IGSF21: variants seen among roughly 807,000 people sequenced by gnomAD.
IGSF21 encodes the protein immunoglobulin superfamily member 21.
In IGSF21, 28 loss-of-function variants were observed where a neutral mutation model predicts 46.8. That is an observed-to-expected ratio of 0.60 (90% CI 0.44 to 0.82). IGSF21 has a LOEUF of 0.82. Among genes scored for constraint, IGSF21 ranks in the 40% least tolerant of loss-of-function variants. The pLI is 0.00. For synonymous variants in IGSF21, 284 were observed against 273.6 expected, an observed-to-expected ratio of 1.04 and a Z score of -0.38; for missense variants, 624 against 665.5, an observed-to-expected ratio of 0.94 and a Z score of 0.69.
chr1:18,248,853 A>C (rs12089342), intron 2 of IGSF21, among the ~76,000 whole-genome samples: 2 of 152,056 alleles, frequency 1.3e-5, no homozygotes, highest in African/African-American at 4.8e-5. Flanking sequence ...GATGCAGAGC[A>C]GGTAGGCCTG....
At chr1:18,354,615 TC>T (rs985398868) in intron 4 of IGSF21, among the ~76,000 whole-genome samples, 27 of 152,070 alleles carry the variant, frequency 1.8e-4, no homozygotes, top group African/African-American at 6.3e-4. Context: ...TGAACTTGTC[TC>T]TCCCCTCCCC....
chr1:18,199,197 G>A (rs527712650), intron 1 of IGSF21, among the ~76,000 whole-genome samples: 1 of 152,194 alleles, frequency 6.6e-6, no homozygotes, highest in African/African-American at 2.4e-5. Context: ...AGAGTGGGTT[G>A]GGGCCCCTGC....
rs866258395 is a variant in IGSF21 at position 18,287,139 on chromosome 1, C to T, written c.184-4727C>T. On this transcript the variant is annotated intron_variant, in intron 2 of 9. Coordinates refer to ENST00000251296, the MANE Select transcript of IGSF21 (RefSeq NM_032880.5). The stretch of plus-strand genomic sequence containing the variant: ...GAGCTTGCAGTGAGCCGAGATCGCG[C>T]CACTGCACTCCAGCCTGGGCGACAG... Among the ~76,000 whole-genome samples the T allele has an allele frequency of 6.5e-3, 955 of 147,980 alleles. 12 individuals carry two copies. Among genetic ancestry groups the T allele is most frequent in the African/African-American group, 0.023 (911 of 40,200 alleles).
At chr1:18,342,065 T>G (rs551428667) in intron 4 of IGSF21, among the ~76,000 whole-genome samples, 3,100 of 124,540 alleles carry the variant, frequency 0.025, 82 homozygotes, top group African/African-American at 0.065. Context: ...TTTTTTTTTT[T>G]TTTGTTTGTT....
chr1:18,361,009 CA>C (rs2086094605), intron 4 of IGSF21, among the ~76,000 whole-genome samples: 1 of 152,062 alleles, frequency 6.6e-6, no homozygotes, highest in Non-Finnish European at 1.5e-5. Flanking sequence ...ACAAACCAGC[CA>C]GGGGCAGTGG....
chr1:18,323,361 G>A (rs2085623589), intron 3 of IGSF21, among the ~76,000 whole-genome samples: 1 of 152,152 alleles, frequency 6.6e-6, no homozygotes, highest in African/African-American at 2.4e-5. Flanking sequence ...ACCTGCCTGA[G>A]GTCACACAGT....
chr1:18,349,392 T>C (rs972831338), intron 4 of IGSF21, among the ~76,000 whole-genome samples: 1 of 152,010 alleles, frequency 6.6e-6, no homozygotes, highest in Non-Finnish European at 1.5e-5. Flanking sequence ...AGCTAAGAGA[T>C]GAGGAAGGAG....
rs1022156750 is a variant in IGSF21, at chr1:18,319,999, T to C, written c.306-14893T>C. ...AGCACCTAGGATAGACCCTGGTACA[T>C]AGTAGGTACTCAGTAACGATATGTT... On this transcript the variant is annotated intron_variant, in intron 3 of 9. Coordinates refer to ENST00000251296, the MANE Select transcript of IGSF21 (RefSeq NM_032880.5). Among the ~76,000 whole-genome samples the C allele has an allele frequency of 2.6e-5, 4 of 152,322 alleles. No individual in the cohort carries two copies. The East Asian group carries it at 7.7e-4, about 29-fold the overall frequency.
chr1:18,209,093 G>T (rs956141090), intron 1 of IGSF21, among the ~76,000 whole-genome samples: 3 of 152,150 alleles, frequency 2.0e-5, no homozygotes, highest in Admixed American at 6.5e-5. Context: ...ACATGAGTGT[G>T]CACATAAGTA....
intron 6 of IGSF21, among the ~76,000 whole-genome samples, chr1:18,367,064 G>A (rs898130373): frequency 5.9e-5 from 9 of 152,120 alleles, no homozygotes; most frequent in Non-Finnish European, 8.8e-5. Flanking sequence ...CCCTGAGCCC[G>A]AGATGCCTGG....
chr1:18,234,663 C>T (rs909188192), intron 2 of IGSF21, among the ~76,000 whole-genome samples: 2 of 152,008 alleles, frequency 1.3e-5, no homozygotes, highest in Non-Finnish European at 2.9e-5. Context: ...AGGGGAAATG[C>T]CAGGTGCTTA....
chr1:18,377,093 G>A (rs1393472973), intron 8 of IGSF21, 101 bp downstream of exon 8: 2 of 1,318,318 alleles, frequency 1.5e-6, no homozygotes, highest in African/African-American at 1.5e-5. Context: ...CCAAAATTTT[G>A]GGCCTAAATC....
chr1:18,221,562 G>A (rs567065447), intron 1 of IGSF21, among the ~76,000 whole-genome samples: 1 of 152,254 alleles, frequency 6.6e-6, no homozygotes, highest in South Asian at 2.1e-4. Flanking sequence ...CATTAGAAGG[G>A]TGCCAGGTTC....
At chr1:18,153,201 C>T (rs979873872) in intron 1 of IGSF21, among the ~76,000 whole-genome samples, 16 of 152,272 alleles carry the variant, frequency 1.1e-4, no homozygotes, top group Admixed American at 8.5e-4. Flanking sequence ...GTAGGGAGGC[C>T]AAGAGAGTGA....
At chr1:18,212,707 C>A (rs541815114) in intron 1 of IGSF21, among the ~76,000 whole-genome samples, 1 of 152,168 alleles carries the variant, frequency 6.6e-6, no homozygotes, top group African/African-American at 2.4e-5. Flanking sequence ...CTCAACATGC[C>A]CCTGGCCCTG....
At chr1:18,339,668 T>C (rs890194909) in intron 4 of IGSF21, among the ~76,000 whole-genome samples, 1 of 152,176 alleles carries the variant, frequency 6.6e-6, no homozygotes, top group Non-Finnish European at 1.5e-5. Context: ...AAGGCTGCAG[T>C]GAGCTGAGAT....
intron 3 of IGSF21, among the ~76,000 whole-genome samples, chr1:18,314,083 T>C (rs537793802): frequency 1.3e-5 from 2 of 152,324 alleles, no homozygotes; most frequent in South Asian, 2.1e-4. Context: ...CACTGAAGCA[T>C]TGCTGTAATT....
chr1:18,223,737 G>A (rs895608174), intron 1 of IGSF21, among the ~76,000 whole-genome samples: 4 of 152,224 alleles, frequency 2.6e-5, no homozygotes, highest in African/African-American at 7.2e-5. Context: ...TCGTGGCATC[G>A]TACAAGGCAC....
intron 1 of IGSF21, among the ~76,000 whole-genome samples, chr1:18,136,474 T>C (rs1456791507): frequency 1.3e-5 from 2 of 152,254 alleles, no homozygotes; most frequent in African/African-American, 4.8e-5. Context: ...GCTTTCAACA[T>C]ATGGCTAGCC....
Sources: gnomAD v4.1 joint callset for allele counts (sites outside exome capture counted in the v4.1 genomes callset) on GRCh38, gnomAD v4.1.1 for gene constraint, MANE v1.5 for transcripts, NCBI Gene and HGNC (gene_info 2026-07-23, HGNC 2026-07-21) for gene names.